Variants in HMGCS2 observed in about 807,000 individuals in gnomAD.
HMGCS2 encodes hydroxymethylglutaryl-CoA synthase, mitochondrial.
In HMGCS2, 50 loss-of-function variants were observed where a neutral mutation model predicts 57.4. The observed-to-expected ratio is 0.87, with a 90% CI of 0.69 to 1.10. HMGCS2 has a LOEUF of 1.10. Among genes scored for constraint, HMGCS2 ranks in the 50% least tolerant of loss-of-function variants. The probability of loss-of-function intolerance (pLI) is 0.00; values close to 1 mark genes in which losing one functional copy is unlikely to be tolerated. For synonymous variants in HMGCS2, 254 were observed against 245.1 expected (o/e 1.04, Z -0.34); for missense variants, 627 against 636.5 (o/e 0.99, Z 0.16).
intron 2 of HMGCS2, among the ~76,000 whole-genome samples, chr1:119,763,663 T>C (rs1242911078): frequency 1.3e-5 from 2 of 152,220 alleles, no homozygotes; most frequent in African/African-American, 4.8e-5. Context: ...AAAAGCAATA[T>C]GCAAGGAGCC....
chr1:119,755,428 G>A lies in HMGCS2; in HGVS notation c.1186C>T (p.His396Tyr), dbSNP rs762627608. The change falls in exon 6 of 10, where the codon CAC (histidine) becomes TAC (tyrosine). Residue 396 changes from histidine (H) to tyrosine (Y), a missense_variant and splice_region_variant. Transcript: ENST00000369406. ...LYGCLASLLS[H>Y]HSAQELAGSR... ...CATGGAGCCAGATGCAGTACTCACT[G>A]GGACAGAAGCGAGGCCAGGCACCCG... 3 of 1,614,004 alleles carry A rather than the reference G, an allele frequency of 1.9e-6. No homozygotes were observed. Among genetic ancestry groups the A allele is most frequent in the Admixed American group, 1.7e-5 (1 of 60,028 alleles).
chr1:119,755,655 A>T, intron 5 of HMGCS2, 58 bp from the exon 6 acceptor site: 1 of 1,527,828 alleles, frequency 6.5e-7, no homozygotes, highest in Non-Finnish European at 9.1e-7. Flanking sequence ...GCAGGGAGCA[A>T]GGGGGAAAAG....
intron 9 of HMGCS2, among the ~76,000 whole-genome samples, chr1:119,749,631 C>T (rs1468195494): frequency 1.3e-5 from 2 of 152,184 alleles, no homozygotes; most frequent in African/African-American, 4.8e-5. Flanking sequence ...TGGGCTGCAA[C>T]AGCCTAGCAC....
chr1:119,768,811 G>T lies in HMGCS2; in HGVS notation c.34C>A (p.Leu12Met). 6.2e-7 allele frequency: 1 copy of T among 1,614,122 alleles called. No homozygotes were observed. The highest frequency in any genetic ancestry group is 1.3e-5 in the African/African-American group (1 of 75,042). ...QRLLTPVKRI[L>M]QLTRAVQETS... ...TCCTGCACCGCTCTTGTCAGTTGCA[G>T]AATGCGCTTCACTGGAGTCAACAGA... The change falls in exon 1 of 10, where the codon CTG becomes ATG. Residue 12 changes from leucine to methionine, a missense_variant. Coordinates refer to ENST00000369406, the MANE Select transcript of HMGCS2 (RefSeq NM_005518.4).
chr1:119,754,604 T>C (rs1009943314), intron 6 of HMGCS2, among the ~76,000 whole-genome samples: 10 of 144,304 alleles, frequency 6.9e-5, no homozygotes, highest in Non-Finnish European at 1.4e-4. Context: ...GCTATTTTAA[T>C]TGTTTTAGAT....
At chr1:119,754,286 AC>A (rs1652763944) in intron 6 of HMGCS2, among the ~76,000 whole-genome samples, 1 of 151,956 alleles carries the variant, frequency 6.6e-6, no homozygotes, top group South Asian at 2.1e-4. Flanking sequence ...CAAACTCCTG[AC>A]CTCAGGTGAT....
rs1331676978 is a variant in HMGCS2 at position 119,764,599 on chromosome 1, CA to C, written c.131del (p.Leu44ArgfsTer64). On this transcript the variant is annotated frameshift_variant, in exon 2 of 10. Transcript: ENST00000369406. LOFTEE classifies it high-confidence loss of function. Reference sequence around the variant, plus strand: ...CCTTTGGCCAAGTATCTGTTTTGGCCAGGGGGACAGCAGAGGCTGTAGAAAA... The same window carrying C: ...CCTTTGGCCAAGTATCTGTTTTGGCCGGGGGACAGCAGAGGCTGTAGAAAA... ...QRFSTASAVP[L>X]AKTDTWPKDV... The C allele has an allele frequency of 1.2e-6, 2 of 1,613,872 alleles. No individual in the cohort carries two copies. The highest frequency in any genetic ancestry group is 2.7e-5 in the African/African-American group (2 of 74,918).
chr1:119,755,650 G>T, intron 5 of HMGCS2, 53 bp from the exon 6 acceptor site: 1 of 1,551,276 alleles, frequency 6.4e-7, no homozygotes, highest in Non-Finnish European at 8.9e-7. Context: ...GGGAGGCAGG[G>T]AGCAAGGGGG....
intron 9 of HMGCS2, among the ~76,000 whole-genome samples, chr1:119,749,396 C>T (rs61423140): frequency 7.4e-6 from 1 of 134,892 alleles, no homozygotes; most frequent in Non-Finnish European, 1.6e-5. Flanking sequence ...CCCTTTCCCC[C>T]CTCCCTCCCT....
intron 2 of HMGCS2, among the ~76,000 whole-genome samples, chr1:119,761,088 T>C (rs902991299): frequency 2.0e-4 from 30 of 148,844 alleles, no homozygotes; most frequent in African/African-American, 7.3e-4. Flanking sequence ...TGTGTGTGTA[T>C]ATATATAAAT....
intron 5 of HMGCS2, among the ~76,000 whole-genome samples, chr1:119,755,864 G>A (rs1056483606): frequency 6.7e-6 from 1 of 148,848 alleles, no homozygotes; most frequent in Non-Finnish European, 1.5e-5. Flanking sequence ...TATGTGTTGT[G>A]GTTAGCATAC....
At chr1:119,750,110 G>A (rs536662) in intron 9 of HMGCS2, among the ~76,000 whole-genome samples, 67,152 of 151,988 alleles carry the variant, frequency 0.44, 15,229 homozygotes, top group East Asian at 0.57. Flanking sequence ...CTCCCCAGAA[G>A]GAATCCCATG....
intron 8 of HMGCS2, 82 bp from the exon 9 acceptor site, chr1:119,750,990 C>T: frequency 4.7e-6 from 4 of 842,710 alleles, no homozygotes; most frequent in South Asian, 1.4e-5. Flanking sequence ...AGATGTCTGC[C>T]CCTTCACAGT....
Position 119,749,038 on chromosome 1 carries a change from G to C in HMGCS2, c.*6-197C>G, listed in dbSNP as rs769841522. On this transcript the variant is annotated intron_variant, in intron 9 of 9. Coordinates refer to ENST00000369406, the MANE Select transcript of HMGCS2 (RefSeq NM_005518.4). ...CAATGCTACTGGAGCCAAGGCTGGG[G>C]GTAGGCAGGGTCCCCGTCGCACATC... is the stretch of plus-strand genomic sequence containing the variant. Among the ~76,000 whole-genome samples the C allele has an allele frequency of 1.9e-4, 29 of 152,284 alleles. No individual in the cohort carries two copies. The South Asian group carries it at 3.5e-3, about 19-fold the overall frequency.
intron 7 of HMGCS2, among the ~76,000 whole-genome samples, 191 bp from the exon 8 acceptor site, chr1:119,752,865 A>T (rs1362595295): frequency 6.6e-6 from 1 of 152,224 alleles, no homozygotes; most frequent in Non-Finnish European, 1.5e-5. Flanking sequence ...AGACACACTG[A>T]TTTGGTCAAG....
At chr1:119,757,183 G>A (rs1030829453) in intron 5 of HMGCS2, 90 bp downstream of exon 5, 8 of 1,604,218 alleles carry the variant, frequency 5.0e-6, no homozygotes, top group Admixed American at 3.3e-5. Flanking sequence ...TCCCCCACAG[G>A]GGTGCTGGTG....
At chr1:119,753,955 G>A (rs1652747656) in intron 6 of HMGCS2, among the ~76,000 whole-genome samples, 1 of 151,618 alleles carries the variant, frequency 6.6e-6, no homozygotes, top group East Asian at 1.9e-4. Flanking sequence ...CGTGATCATG[G>A]CTCACTGCAG....
At position 119,757,431 on chromosome 1, in the gene HMGCS2, G is replaced by T; in HGVS notation, c.858C>A (p.Ser286Arg). Reference sequence around the variant, plus strand: ...AATCGTCAAGGGTGAAGGGTCGATCGCTGCCAGCTGGAAGAGGAAGCGTGA... The same window carrying T: ...AATCGTCAAGGGTGAAGGGTCGATCTCTGCCAGCTGGAAGAGGAAGCGTGA... Reference protein sequence around the residue: ...KIQNQWKQAGSDRPFTLDDLQ... With the variant: ...KIQNQWKQAGRDRPFTLDDLQ... Residue 286 changes from serine to arginine, a missense_variant, in exon 5 of 10, where the codon AGC becomes AGA. Physicochemically the swap from Ser to Arg is moderately radical, Grantham distance 110. Coordinates refer to ENST00000369406, the MANE Select transcript of HMGCS2 (RefSeq NM_005518.4). 1.2e-6 allele frequency: 2 copies of T among 1,613,822 alleles called. No individual in the cohort carries two copies. The highest frequency in any genetic ancestry group is 1.7e-6 in the Non-Finnish European group (2 of 1,179,728).
chr1:119,758,513 C>A (rs587731448), intron 4 of HMGCS2, among the ~76,000 whole-genome samples: 1 of 152,324 alleles, frequency 6.6e-6, no homozygotes, highest in South Asian at 2.1e-4. Context: ...GCTGGGATTA[C>A]AGGCGTGAGC....
Sources: allele counts gnomAD v4.1 joint callset (sites outside exome capture counted in the v4.1 genomes callset), GRCh38; gene constraint gnomAD v4.1.1; transcripts MANE v1.5; gene names NCBI Gene and HGNC (gene_info 2026-07-23, HGNC 2026-07-21).